SLC16A4: variants seen among roughly 807,000 people sequenced by gnomAD.
SLC16A4 encodes the protein probable monocarboxylate transporter 5.
Under a neutral mutation model 47.9 loss-of-function variants are expected in SLC16A4, and 39 were observed. The ratio of observed to expected loss-of-function variants is 0.81; its 90% CI spans 0.63 to 1.06. The LOEUF (loss-of-function observed/expected upper bound fraction) is 1.06, where lower values mean the gene tolerates loss of function less well. Ranked by LOEUF, SLC16A4 falls within the 50% of genes least tolerant of loss-of-function variation. The pLI is 0.00. For synonymous variants in SLC16A4, 189 were observed against 199.9 expected, an observed-to-expected ratio of 0.95 and a Z score of 0.46; for missense variants, 524 against 573.8, an observed-to-expected ratio of 0.91 and a Z score of 0.89.
chr1:110,376,853 TTACAAAATTAA>T (rs1662032566), intron 7 of SLC16A4, 86 bp downstream of exon 7: 1 of 1,034,138 alleles, frequency 9.7e-7, no homozygotes, highest in Non-Finnish European at 1.4e-6. Flanking sequence ...ATTTTTTAAG[TTACAAAATTAA>T]TACAAAATAC....
At chr1:110,385,265 G>A (rs1242777851) in intron 2 of SLC16A4, among the ~76,000 whole-genome samples, 1 of 152,154 alleles carries the variant, frequency 6.6e-6, no homozygotes, top group African/African-American at 2.4e-5. Context: ...AAACAACTTC[G>A]CACGTCACAT....
At position 110,363,767 on chromosome 1, in the gene SLC16A4, C is replaced by A; in HGVS notation, c.1463G>T (p.Ter488LeuextTer16). 1.2e-6 allele frequency: 2 copies of A among 1,600,236 alleles called. No homozygotes were observed. The highest frequency in any genetic ancestry group is 1.7e-6 in the Non-Finnish European group (2 of 1,175,426). Residue 488 changes from the stop codon to leucine (L), a stop_lost, in exon 9 of 9, where the codon TGA (stop) becomes TTA (leucine). Transcript: ENST00000369779. ...CACTTGATTGCAGTCTTCTTTCTTT[C>A]AGGTCAGACTGTTTTTCCATCTTTC... ...LAERWKNSLT[*>L]
intron 8 of SLC16A4, among the ~76,000 whole-genome samples, chr1:110,368,469 G>A (rs1312681843): frequency 6.6e-6 from 1 of 152,194 alleles, no homozygotes; most frequent in Non-Finnish European, 1.5e-5. Context: ...TACCTGAGAT[G>A]CATGTTAATA....
At chr1:110,380,810 G>A (rs1449794720) in intron 5 of SLC16A4, among the ~76,000 whole-genome samples, 172 bp downstream of exon 5, 3 of 152,326 alleles carry the variant, frequency 2.0e-5, no homozygotes, top group East Asian at 1.9e-4. Flanking sequence ...TTTTGCGTAT[G>A]TATTCTCCAG....
chr1:110,384,169 C>T (rs1310753736), intron 2 of SLC16A4, among the ~76,000 whole-genome samples: 1 of 152,156 alleles, frequency 6.6e-6, no homozygotes, highest in African/African-American at 2.4e-5. Flanking sequence ...ATTCCAGTTA[C>T]CTTTGTGGGA....
chr1:110,375,742 A>G (rs1412790224), intron 7 of SLC16A4, among the ~76,000 whole-genome samples, 191 bp from the exon 8 acceptor site: 1 of 152,208 alleles, frequency 6.6e-6, no homozygotes, highest in Non-Finnish European at 1.5e-5. Flanking sequence ...AATGCTAGGC[A>G]GGCAGTGTTT....
At chr1:110,373,594 A>T (rs1661801866) in intron 8 of SLC16A4, among the ~76,000 whole-genome samples, 1 of 152,056 alleles carries the variant, frequency 6.6e-6, no homozygotes, top group African/African-American at 2.4e-5. Context: ...AGTTGGTTGC[A>T]TATTTATGTA....
At chr1:110,377,295 T>C in intron 6 of SLC16A4, 134 bp from the exon 7 acceptor site, 1 of 685,470 alleles carries the variant, frequency 1.5e-6, no homozygotes, top group Non-Finnish European at 2.5e-6. Context: ...TTGATTTGTG[T>C]ACCAGTAAGC....
At chr1:110,386,015 G>A (rs1017205669) in intron 2 of SLC16A4, among the ~76,000 whole-genome samples, 2 of 152,206 alleles carry the variant, frequency 1.3e-5, no homozygotes, top group African/African-American at 4.8e-5. Flanking sequence ...ATTCTGTAAA[G>A]TAAACTTCCT....
intron 2 of SLC16A4, among the ~76,000 whole-genome samples, chr1:110,383,710 C>CT (rs1191816292): frequency 1.4e-5 from 2 of 146,734 alleles, no homozygotes; most frequent in African/African-American, 2.5e-5. Context: ...AATTTCTAAT[C>CT]TTATGGCTAA....
At chr1:110,382,331 C>A (rs1036584637) in intron 3 of SLC16A4, among the ~76,000 whole-genome samples, 1 of 151,922 alleles carries the variant, frequency 6.6e-6, no homozygotes. Context: ...TGGTGGCGGG[C>A]GCCTGTAATC....
Position 110,379,212 on chromosome 1 carries a change from G to A in SLC16A4, c.671C>T (p.Ala224Val). 1 of 1,614,118 alleles carries A rather than the reference G, an allele frequency of 6.2e-7. No individual in the cohort carries two copies. The highest frequency in any genetic ancestry group is 8.5e-7 in the Non-Finnish European group (1 of 1,180,022). Residue 224 changes from alanine to valine, a missense_variant, in exon 6 of 9, where the codon GCA becomes GTA. Coordinates refer to ENST00000369779, the MANE Select transcript of SLC16A4 (RefSeq NM_004696.3). Reference sequence around the variant, plus strand: ...TGTCTCATGGCAGTGTGTTTCTGTTGCATGTGCCTCTGGACCATGTGCAGA... The same window carrying A: ...TGTCTCATGGCAGTGTGTTTCTGTTACATGTGCCTCTGGACCATGTGCAGA... ...SLSAHGPEAH[A>V]TETHCHETEE...
Position 110,375,513 on chromosome 1 carries a change from CA to C in SLC16A4, c.1280del (p.Leu427TrpfsTer18). ...LCRNSTVNRF[L>X]GLASFFAGMA... is the part of the protein sequence containing the mutation. The stretch of plus-strand genomic sequence containing the variant: ...TCCCAGCAAAGAAACTGGCAAGTCC[CA>C]AAAACCTGTTTACTGTAGAATTCCT... On this transcript the variant is annotated frameshift_variant, in exon 8 of 9. Transcript: ENST00000369779. LOFTEE classifies it high-confidence loss of function. 6.2e-7 allele frequency: 1 copy of C among 1,612,940 alleles called. No homozygotes were observed. The highest frequency in any genetic ancestry group is 8.5e-7 in the Non-Finnish European group (1 of 1,178,998).
chr1:110,374,007 T>TATATATATATATATATA (rs1661831144), intron 8 of SLC16A4, among the ~76,000 whole-genome samples: 1 of 150,022 alleles, frequency 6.7e-6, no homozygotes, highest in Non-Finnish European at 1.5e-5. Flanking sequence ...TATCCTTAGT[T>TATATATATATATATATA]TATAGTCTCC....
intron 8 of SLC16A4, among the ~76,000 whole-genome samples, chr1:110,366,238 A>G (rs1002725734): frequency 1.3e-5 from 2 of 151,566 alleles, no homozygotes; most frequent in Admixed American, 1.3e-4. Flanking sequence ...GCTCACTGCA[A>G]CCTCCGACCC....
intron 2 of SLC16A4, among the ~76,000 whole-genome samples, chr1:110,388,056 G>T (rs573267798): frequency 6.6e-6 from 1 of 152,036 alleles, no homozygotes; most frequent in Non-Finnish European, 1.5e-5. Context: ...ACCTTTCCCC[G>T]TGAGCTGCTT....
At chr1:110,366,920 T>C (rs2100982550) in intron 8 of SLC16A4, among the ~76,000 whole-genome samples, 1 of 152,362 alleles carries the variant, frequency 6.6e-6, no homozygotes, top group Non-Finnish European at 1.5e-5. Context: ...CATTGAGATA[T>C]TTGTATTTTT....
chr1:110,365,375 C>T (rs1239087970), intron 8 of SLC16A4, among the ~76,000 whole-genome samples: 1 of 151,778 alleles, frequency 6.6e-6, no homozygotes, highest in African/African-American at 2.4e-5. Flanking sequence ...GACAAGCAGA[C>T]CAGAAAAAAT....
Position 110,363,444 on chromosome 1 carries a change from GT to G in SLC16A4, c.*321del, listed in dbSNP as rs1277138158. ...GATGGAGACCATCCTGGCTAACATG[GT>G]GAAACCCCGCCTCTACTAAAAATAC... On this transcript the variant is annotated 3_prime_UTR_variant, in exon 9 of 9. Transcript: ENST00000369779. 4.2e-5 allele frequency: 7 copies of G among 166,066 alleles called. No individual in the cohort carries two copies. Among genetic ancestry groups the G allele is most frequent in the Middle Eastern group, 2.8e-3 (1 of 360 alleles). The allele number at this position is 166,066 out of a possible 1,614,324, so 10.3% of individuals were successfully genotyped here.
Sources: allele counts gnomAD v4.1 joint callset (sites outside exome capture counted in the v4.1 genomes callset), GRCh38; gene constraint gnomAD v4.1.1; transcripts MANE v1.5; gene names NCBI Gene and HGNC (gene_info 2026-07-23, HGNC 2026-07-21).